The following FGF20 variants were observed in gnomAD, a reference collection of about 807,000 sequenced individuals.
The protein encoded by FGF20 is fibroblast growth factor 20.
A neutral mutation model predicts 16.7 loss-of-function variants in FGF20; 8 were observed. That is an observed-to-expected ratio of 0.48 (90% CI 0.28 to 0.87). The LOEUF (loss-of-function observed/expected upper bound fraction) is 0.87. Ranked by LOEUF, FGF20 falls within the 40% of genes least tolerant of loss-of-function variation. The pLI, the probability that FGF20 is intolerant of heterozygous loss-of-function variation, is 0.10. For synonymous variants in FGF20, 161 were observed against 118.6 expected, an observed-to-expected ratio of 1.36 and a Z score of -2.32; for missense variants, 397 against 281.4, an observed-to-expected ratio of 1.41 and a Z score of -2.94.
At chr8:16,994,976 T>C (rs1255326085) in intron 2 of FGF20, among the ~76,000 whole-genome samples, 2 of 152,200 alleles carry the variant, frequency 1.3e-5, no homozygotes, top group East Asian at 1.9e-4. Flanking sequence ...TGCAGATTTG[T>C]TCTAAAAACA....
intron 1 of FGF20, among the ~76,000 whole-genome samples, chr8:17,001,354 C>G (rs564093153): frequency 6.6e-5 from 10 of 152,152 alleles, no homozygotes; most frequent in Admixed American, 5.2e-4. Flanking sequence ...GAGAAACATA[C>G]AGGGATTTTT....
At chr8:17,001,459 C>T (rs1225088437) in intron 1 of FGF20, among the ~76,000 whole-genome samples, 1 of 152,088 alleles carries the variant, frequency 6.6e-6, no homozygotes, top group Non-Finnish European at 1.5e-5. Context: ...AAGGGGAAGG[C>T]AGGAAGGAGC....
chr8:16,999,149 C>T (rs1283438139), intron 1 of FGF20, among the ~76,000 whole-genome samples: 1 of 152,134 alleles, frequency 6.6e-6, no homozygotes, highest in African/African-American at 2.4e-5. Flanking sequence ...TACAATACAT[C>T]ACAAGGCGGC....
chr8:16,995,692 T>C lies in FGF20; in HGVS notation c.353A>G (p.Tyr118Cys). The C allele has an allele frequency of 1.2e-6, 2 of 1,606,300 alleles. No individual in the cohort carries two copies. The highest frequency in any genetic ancestry group is 1.7e-6 in the Non-Finnish European group (2 of 1,173,834). ...VSIRGVDSGLYLGMNDKGELY... is the reference protein window; with the variant it reads ...VSIRGVDSGLCLGMNDKGELY... ...TTCTCCTTTGTCATTCATTCCAAGA[T>C]AGAGACCACTGTCCACACCTCTAAT... Residue 118 changes from tyrosine to cysteine, a missense_variant, in exon 2 of 3, where the codon TAT (tyrosine) becomes TGT (cysteine). Physicochemically the swap from Tyr to Cys is radical, Grantham distance 194. Coordinates refer to ENST00000180166, the MANE Select transcript of FGF20 (RefSeq NM_019851.3).
In FGF20 at chr8:16,992,459, A is replaced by T. The variant is rs190519711; in HGVS notation, c.*613T>A. 1.1e-4 allele frequency: 16 copies of T among 151,832 alleles called. No homozygotes were observed. In the East Asian group the frequency reaches 3.1e-3, roughly 29 times the overall value. 9.4% of individuals were successfully genotyped at this position (151,832 alleles called of 1,614,324 possible). A position where few individuals can be genotyped will look rare whatever the true frequency, so the allele number is the denominator to read the frequency against. On this transcript the variant is annotated 3_prime_UTR_variant, in exon 3 of 3. Coordinates refer to ENST00000180166, the MANE Select transcript of FGF20 (RefSeq NM_019851.3). Reference sequence around the variant, plus strand: ...ACTCTTTGTATTATCTTCATATCCCAGTAAAAAATAAACTCTTTAATAAAT... The same window carrying T: ...ACTCTTTGTATTATCTTCATATCCCTGTAAAAAATAAACTCTTTAATAAAT...
chr8:16,992,249 G>C lies in FGF20; in HGVS notation c.*823C>G, dbSNP rs1323824015. The stretch of plus-strand genomic sequence containing the variant: ...TACAAATCAATGAGGCATTTTTCTA[G>C]GCCAAAAGAAACCAACGTTACATTT... On this transcript the variant is annotated 3_prime_UTR_variant, in exon 3 of 3. Transcript: ENST00000180166. 6.6e-6 allele frequency: 1 copy of C among 150,586 alleles called. No individual in the cohort carries two copies. The highest frequency in any genetic ancestry group is 1.5e-5 in the Non-Finnish European group (1 of 67,706). The allele number at this position is 150,586 out of a possible 1,614,324, so 9.3% of individuals were successfully genotyped here.
chr8:16,994,054 T>C (rs1809985691), intron 2 of FGF20, among the ~76,000 whole-genome samples: 1 of 152,174 alleles, frequency 6.6e-6, no homozygotes, highest in Non-Finnish European at 1.5e-5. Flanking sequence ...ACCCCTGCTT[T>C]AAAGAACTTT....
Position 16,993,330 on chromosome 8 carries a change from A to C in FGF20, c.391-13T>G, listed in dbSNP as rs563906062. ...AAGTAAGTTTCTCCTGAAAGAGAGAAGATAACTATTATTTTTTAAAAAAAT... is the reference window on the plus strand; with the variant it reads ...AAGTAAGTTTCTCCTGAAAGAGAGACGATAACTATTATTTTTTAAAAAAAT... On this transcript the variant is annotated splice_polypyrimidine_tract_variant and intron_variant, in intron 2 of 2. Transcript: ENST00000180166. The C allele has an allele frequency of 1.3e-6, 2 of 1,583,058 alleles. No homozygotes were observed. Among genetic ancestry groups the C allele is most frequent in the South Asian group, 2.3e-5 (2 of 85,494 alleles).
Position 16,993,326 on chromosome 8 carries a change from G to A in FGF20, c.391-9C>T. On this transcript the variant is annotated splice_polypyrimidine_tract_variant and intron_variant, in intron 2 of 2. Coordinates refer to ENST00000180166, the MANE Select transcript of FGF20 (RefSeq NM_019851.3). ...TCGGAAGTAAGTTTCTCCTGAAAGA[G>A]AGAAGATAACTATTATTTTTTAAAA... The A allele has an allele frequency of 6.3e-7, 1 of 1,591,464 alleles. No individual in the cohort carries two copies. Among genetic ancestry groups the A allele is most frequent in the Middle Eastern group, 1.7e-4 (1 of 5,854 alleles).
At position 17,002,167 on chromosome 8, in the gene FGF20, C is replaced by A; in HGVS notation, c.-135G>T. ...CCCGGTTACTCCTCTGAGGTCGCTC[C>A]GGAGGGACTTTGCACTGAAATGGCA... On this transcript the variant is annotated 5_prime_UTR_variant, in exon 1 of 3. Transcript: ENST00000180166. The A allele has an allele frequency of 1.1e-6, 1 of 871,580 alleles. No individual in the cohort carries two copies. Among genetic ancestry groups the A allele is most frequent in the Non-Finnish European group, 1.6e-6 (1 of 628,694 alleles). 54.0% of individuals were successfully genotyped at this position (871,580 alleles called of 1,614,324 possible). A position where few individuals can be genotyped will look rare whatever the true frequency, so the allele number is the denominator to read the frequency against.
chr8:16,997,153 T>A lies in FGF20; in HGVS notation c.287-1395A>T, dbSNP rs927353891. 2.0e-5 allele frequency among the ~76,000 whole-genome samples: 3 copies of A among 152,290 alleles called. No individual in the cohort carries two copies. The South Asian group carries it at 6.2e-4, about 32-fold the overall frequency. On this transcript the variant is annotated intron_variant, in intron 1 of 2. Coordinates refer to ENST00000180166, the MANE Select transcript of FGF20 (RefSeq NM_019851.3). ...CCCTAAATACACTGATAAACCACAG[T>A]TTAAAAAAGAAAAACTTAACACCTC...
chr8:16,993,444 C>T, intron 2 of FGF20, 127 bp from the exon 3 acceptor site: 1 of 1,018,620 alleles, frequency 9.8e-7, no homozygotes, highest in Non-Finnish European at 1.4e-6. Context: ...ATTGGTTTTG[C>T]TTTATTTTGT....
intron 2 of FGF20, among the ~76,000 whole-genome samples, chr8:16,995,060 G>C (rs1354136582): frequency 1.3e-5 from 2 of 152,126 alleles, no homozygotes; most frequent in African/African-American, 4.8e-5. Flanking sequence ...ATTTATAGTA[G>C]ACCCACAGAC....
chr8:16,996,033 A>G (rs973376814), intron 1 of FGF20, among the ~76,000 whole-genome samples: 3 of 152,176 alleles, frequency 2.0e-5, no homozygotes, highest in African/African-American at 7.2e-5. Flanking sequence ...TGCTGGGACA[A>G]CAGGATGGAG....
Position 17,001,750 on chromosome 8 carries a change from A to G in FGF20, c.283T>C (p.Phe95Leu). ...GGGTCGGGATGCTAGTACGTACCGA[A>G]GAGGCTGTGGTCCTGCCGGGTGCCC... ...VQGTRQDHSL[F>L]GILEFISVAV... is the part of the protein sequence containing the mutation. The change falls in exon 1 of 3, where the codon TTC becomes CTC. Residue 95 changes from phenylalanine (F) to leucine (L), a missense_variant. Physicochemically the swap from Phe to Leu is conservative, Grantham distance 22 (BLOSUM62 0). Coordinates refer to ENST00000180166, the MANE Select transcript of FGF20 (RefSeq NM_019851.3). 1.3e-6 allele frequency: 2 copies of G among 1,578,542 alleles called. No homozygotes were observed. Among genetic ancestry groups the G allele is most frequent in the South Asian group, 2.3e-5 (2 of 88,006 alleles).
chr8:17,001,417 C>A (rs1810177924), intron 1 of FGF20, among the ~76,000 whole-genome samples: 3 of 152,072 alleles, frequency 2.0e-5, no homozygotes, highest in Admixed American at 2.0e-4. Context: ...CCGAGTGCAC[C>A]AGGTCTTGGT....
intron 1 of FGF20, among the ~76,000 whole-genome samples, chr8:16,997,567 C>G (rs1184235730): frequency 2.0e-5 from 3 of 152,146 alleles, no homozygotes; most frequent in African/African-American, 7.2e-5. Flanking sequence ...CTCTTTCAAA[C>G]TATTAGGAGA....
rs746061786 is a variant in FGF20, at chr8:16,993,096, G to A, written c.612C>T (p.Tyr204=). Residue 204 remains tyrosine, a synonymous_variant, in exon 3 of 3, where the codon TAC becomes TAT. Coordinates refer to ENST00000180166, the MANE Select transcript of FGF20 (RefSeq NM_019851.3). ...PVDPERVPEL[Y]KDLLMYT Reference sequence around the variant, plus strand: ...TTCAAGTGTACATCAGTAGGTCCTTGTACAATTCTGGAACTCTTTCTGGAT... The same window carrying A: ...TTCAAGTGTACATCAGTAGGTCCTTATACAATTCTGGAACTCTTTCTGGAT... 3.1e-6 allele frequency: 5 copies of A among 1,614,060 alleles called. No individual in the cohort carries two copies. The highest frequency in any genetic ancestry group is 4.2e-6 in the Non-Finnish European group (5 of 1,179,994).
At chr8:16,995,845 G>A in intron 1 of FGF20, 87 bp from the exon 2 acceptor site, 1 of 704,852 alleles carries the variant, frequency 1.4e-6, no homozygotes, top group Non-Finnish European at 2.4e-6. Context: ...AATAGTAGCG[G>A]TAGTCGGCCA....
Sources: gnomAD v4.1 joint callset for allele counts (sites outside exome capture counted in the v4.1 genomes callset) on GRCh38, gnomAD v4.1.1 for gene constraint, MANE v1.5 for transcripts, NCBI Gene and HGNC (gene_info 2026-07-23, HGNC 2026-07-21) for gene names.